Variants in XKR4 observed in about 807,000 individuals in gnomAD.
XKR4 encodes the protein XK related 4, also known as XK-related protein 4.
In XKR4, 12 loss-of-function variants were observed where a neutral mutation model predicts 53.9. The observed-to-expected ratio is 0.22, with a 90% confidence interval of 0.14 to 0.36. XKR4 has a LOEUF of 0.36. Among genes scored for constraint, XKR4 ranks in the 10% least tolerant of loss-of-function variants. The pLI is 1.00. For synonymous variants in XKR4, 354 were observed against 362.4 expected, an observed-to-expected ratio of 0.98 and a Z score of 0.26; for missense variants, 799 against 859.5, an observed-to-expected ratio of 0.93 and a Z score of 0.88.
At chr8:55,473,066 A>G (rs1182195523) in intron 2 of XKR4, among the ~76,000 whole-genome samples, 2 of 151,974 alleles carry the variant, frequency 1.3e-5, no homozygotes, top group African/African-American at 2.4e-5. Flanking sequence ...CATTCACCCA[A>G]TTGGATTGAT....
chr8:55,424,537 G>C (rs1408925190), intron 2 of XKR4, among the ~76,000 whole-genome samples: 1 of 152,156 alleles, frequency 6.6e-6, no homozygotes, highest in Non-Finnish European at 1.5e-5. Context: ...CTAATAAAAG[G>C]CACTGCTAAA....
At chr8:55,398,337 G>A (rs541580182) in intron 2 of XKR4, among the ~76,000 whole-genome samples, 4 of 152,162 alleles carry the variant, frequency 2.6e-5, no homozygotes, top group African/African-American at 9.6e-5. Flanking sequence ...CCACCCAAAT[G>A]AGGGAGTCAT....
At chr8:55,407,736 G>A (rs1804708459) in intron 2 of XKR4, among the ~76,000 whole-genome samples, 1 of 152,232 alleles carries the variant, frequency 6.6e-6, no homozygotes, top group Non-Finnish European at 1.5e-5. Flanking sequence ...TTCCTAAGAA[G>A]GTCAAGCATT....
chr8:55,148,411 A>T (rs34659617), intron 1 of XKR4, among the ~76,000 whole-genome samples: 28,999 of 151,050 alleles, frequency 0.19, 3,047 homozygotes, highest in East Asian at 0.33. Context: ...TCTAAAAAAA[A>T]ATATATATAT....
chr8:55,321,225 C>A (rs1803207728), intron 1 of XKR4, among the ~76,000 whole-genome samples: 1 of 152,140 alleles, frequency 6.6e-6, no homozygotes, highest in African/African-American at 2.4e-5. Flanking sequence ...CCAATAAATT[C>A]TTTGTCATTA....
At chr8:55,194,657 T>C (rs1817482192) in intron 1 of XKR4, among the ~76,000 whole-genome samples, 2 of 152,188 alleles carry the variant, frequency 1.3e-5, no homozygotes, top group Non-Finnish European at 1.5e-5. Context: ...ATCTCCACAG[T>C]GCTCCCTTCC....
chr8:55,236,675 G>A (rs995550935), intron 1 of XKR4, among the ~76,000 whole-genome samples: 5 of 152,072 alleles, frequency 3.3e-5, no homozygotes. Context: ...CTACCCTCCT[G>A]CATCTCTCGC....
intron 1 of XKR4, among the ~76,000 whole-genome samples, chr8:55,197,399 T>C (rs1007566693): frequency 3.3e-5 from 5 of 152,152 alleles, no homozygotes; most frequent in Non-Finnish European, 7.4e-5. Flanking sequence ...GAAAAGTGGA[T>C]TTTTGCTACT....
intron 2 of XKR4, among the ~76,000 whole-genome samples, chr8:55,398,310 C>A (rs1272098596): frequency 6.6e-6 from 1 of 152,196 alleles, no homozygotes; most frequent in East Asian, 1.9e-4. Context: ...CGCCATGCAC[C>A]TTTGCCCCAT....
At chr8:55,334,053 G>A (rs1803418263) in intron 1 of XKR4, among the ~76,000 whole-genome samples, 1 of 152,058 alleles carries the variant, frequency 6.6e-6, no homozygotes, top group Admixed American at 6.5e-5. Flanking sequence ...AGTGTACCAT[G>A]TTTCTGACAT....
chr8:55,379,647 G>A (rs1406761079), intron 2 of XKR4, among the ~76,000 whole-genome samples: 1 of 152,228 alleles, frequency 6.6e-6, no homozygotes, highest in Non-Finnish European at 1.5e-5. Flanking sequence ...TATGTCCAAG[G>A]AGAGCAGATA....
In XKR4 at chr8:55,183,443, C is replaced by T. The variant is rs148663186; in HGVS notation, c.806+80149C>T. 2.4e-3 allele frequency among the ~76,000 whole-genome samples: 361 copies of T among 151,918 alleles called. 1 individual carries two copies. Among genetic ancestry groups the T allele is most frequent in the African/African-American group, 8.2e-3 (339 of 41,448 alleles). ...ATGATGTATGTTCATTGTTCATTTT[C>T]ATTCAATTCAAAATATTTTAAAGTT... On this transcript the variant is annotated intron_variant, in intron 1 of 2. Coordinates refer to ENST00000327381, the MANE Select transcript of XKR4 (RefSeq NM_052898.2).
chr8:55,318,428 G>C (rs780873628), intron 1 of XKR4, among the ~76,000 whole-genome samples: 2 of 152,160 alleles, frequency 1.3e-5, no homozygotes, highest in African/African-American at 2.4e-5. Flanking sequence ...AGGAGGATTT[G>C]ATGGCACAAA....
chr8:55,487,701 T>G (rs752881545), intron 2 of XKR4, among the ~76,000 whole-genome samples: 3 of 152,190 alleles, frequency 2.0e-5, no homozygotes, highest in Non-Finnish European at 4.4e-5. Flanking sequence ...ACTCCTGGCC[T>G]CATGTGATCC....
intron 1 of XKR4, among the ~76,000 whole-genome samples, chr8:55,136,270 A>G (rs1185523847): frequency 2.0e-5 from 3 of 152,086 alleles, no homozygotes; most frequent in South Asian, 2.1e-4. Flanking sequence ...ACATTGTTGG[A>G]TGTGCCTGGG....
chr8:55,522,407 G>A (rs907802485), intron 2 of XKR4, among the ~76,000 whole-genome samples: 1 of 152,224 alleles, frequency 6.6e-6, no homozygotes, highest in Non-Finnish European at 1.5e-5. Context: ...GCTGTAGGAA[G>A]AGTGCCAGAT....
intron 1 of XKR4, among the ~76,000 whole-genome samples, chr8:55,114,679 A>T (rs1317562158): frequency 6.6e-6 from 1 of 152,154 alleles, no homozygotes; most frequent in Non-Finnish European, 1.5e-5. Flanking sequence ...TTCACAATAG[A>T]TCTACTTCTG....
intron 1 of XKR4, among the ~76,000 whole-genome samples, chr8:55,108,971 T>G (rs1382748262): frequency 6.6e-6 from 1 of 152,072 alleles, no homozygotes; most frequent in Non-Finnish European, 1.5e-5. Flanking sequence ...CTGAGGATGA[T>G]GAGGTAGAAG....
chr8:55,434,302 G>A (rs549552512), intron 2 of XKR4, among the ~76,000 whole-genome samples: 2 of 152,116 alleles, frequency 1.3e-5, no homozygotes, highest in East Asian at 3.9e-4. Context: ...TCGTAGATTT[G>A]AATTAGTCTT....
Sources: gnomAD v4.1 joint callset for allele counts (sites outside exome capture counted in the v4.1 genomes callset) on GRCh38, gnomAD v4.1.1 for gene constraint, MANE v1.5 for transcripts, NCBI Gene and HGNC (gene_info 2026-07-23, HGNC 2026-07-21) for gene names.